The following ENOX2 variants were observed in gnomAD, a reference collection of about 807,000 sequenced individuals.
ENOX2 encodes ecto-NOX disulfide-thiol exchanger 2.
A neutral mutation model predicts 45.0 loss-of-function variants in ENOX2; 36 were observed. The observed-to-expected ratio is 0.80, with a 90% CI of 0.61 to 1.06. The LOEUF (loss-of-function observed/expected upper bound fraction) is 1.06, where lower values mean the gene tolerates loss of function less well. Among genes scored for constraint, ENOX2 ranks in the 50% least tolerant of loss-of-function variants. The probability of loss-of-function intolerance (pLI) is 0.00; values close to 1 mark genes in which losing one functional copy is unlikely to be tolerated. For missense variants in ENOX2, 423 were observed against 462.5 expected (o/e 0.91, Z 0.78); for synonymous variants, 174 against 152.3 (o/e 1.14, Z -1.05).
chrX:130,863,158 T>A (rs984483050), intron 2 of ENOX2, among the ~76,000 whole-genome samples: 2 of 112,339 alleles, frequency 1.8e-5, no homozygotes, highest in East Asian at 5.6e-4. Flanking sequence ...TAATTATGCA[T>A]GTTTTCTCAT....
chrX:130,816,524 C>A (rs2077487654), intron 2 of ENOX2, among the ~76,000 whole-genome samples: 1 of 111,674 alleles, frequency 9.0e-6, no homozygotes, highest in Admixed American at 9.5e-5. Flanking sequence ...GGAAGTAAAA[C>A]ACTCCTCAGC....
chrX:130,627,922 C>T (rs2035591203), intron 14 of ENOX2, 36 bp downstream of exon 14: 1 of 1,012,784 alleles, frequency 9.9e-7, no homozygotes, highest in African/African-American at 1.9e-5. Flanking sequence ...AAAAATCCCA[C>T]ATCCCCTTGC....
At chrX:130,730,210 A>G (rs1283473879) in intron 3 of ENOX2, among the ~76,000 whole-genome samples, 1 of 112,370 alleles carries the variant, frequency 8.9e-6, no homozygotes, top group Admixed American at 9.4e-5. Flanking sequence ...GAATGGGAAA[A>G]GGAGCATTGT....
intron 5 of ENOX2, 24 bp from the exon 6 acceptor site, chrX:130,679,772 T>G (rs1385969408): frequency 2.7e-6 from 3 of 1,122,572 alleles, no homozygotes; most frequent in Non-Finnish European, 1.2e-6. Context: ...GCAAAAACAT[T>G]TGAAATTAAA....
intron 9 of ENOX2, among the ~76,000 whole-genome samples, chrX:130,663,399 C>A (rs1254771217): frequency 9.1e-6 from 1 of 110,317 alleles, no homozygotes; most frequent in Admixed American, 9.6e-5. Flanking sequence ...GGCATGGCGG[C>A]GTGTGCCTGT....
intron 9 of ENOX2, among the ~76,000 whole-genome samples, chrX:130,664,074 G>A (rs1380252050): frequency 1.8e-5 from 2 of 111,868 alleles, no homozygotes; most frequent in Admixed American, 9.4e-5. Context: ...AACAAGTAAA[G>A]ATGCTATTGG....
At chrX:130,633,087 T>C in intron 12 of ENOX2, among the ~76,000 whole-genome samples, 1 of 111,979 alleles carries the variant, frequency 8.9e-6, no homozygotes, top group East Asian at 2.8e-4. Context: ...TTTAAAAAAT[T>C]AGAAGGTACA....
intron 4 of ENOX2, among the ~76,000 whole-genome samples, chrX:130,700,471 T>A: frequency 8.9e-6 from 1 of 111,895 alleles, no homozygotes; most frequent in East Asian, 2.8e-4. Context: ...AGGGGGCCAA[T>A]GGTAGAAATT....
At position 130,726,721 on chromosome X, in the gene ENOX2, G is replaced by T. The variant is rs778596150; in HGVS notation, c.-38-23467C>A. Among the ~76,000 whole-genome samples the T allele has an allele frequency of 1.2e-4, 13 of 112,674 alleles. No individual in the cohort carries two copies. In the South Asian group the frequency reaches 3.0e-3, roughly 26 times the overall value. On this transcript the variant is annotated intron_variant, in intron 3 of 14. Transcript: ENST00000394363. ...CCTGGTCTCTTGCTAATGACTGGAA[G>T]TAGAATGAGAGTTCGATTTTACGAT...
intron 2 of ENOX2, among the ~76,000 whole-genome samples, chrX:130,784,547 CA>C (rs1376985733): frequency 6.5e-5 from 7 of 108,502 alleles, no homozygotes; most frequent in African/African-American, 2.4e-4. Flanking sequence ...CTAATCCTAT[CA>C]AAGGGGGGGA....
chrX:130,861,039 C>T (rs1035495815), intron 2 of ENOX2, among the ~76,000 whole-genome samples: 18 of 111,241 alleles, frequency 1.6e-4, no homozygotes, highest in African/African-American at 5.9e-4. Context: ...CAGAGAAATG[C>T]AAATCAAAAC....
chrX:130,775,613 G>A (rs1181885532), intron 3 of ENOX2, among the ~76,000 whole-genome samples: 3 of 110,131 alleles, frequency 2.7e-5, no homozygotes, highest in Non-Finnish European at 1.9e-5. Context: ...GCGCTGGGAC[G>A]GTAAATGGTC....
chrX:130,663,495 C>A, intron 9 of ENOX2, among the ~76,000 whole-genome samples: 1 of 101,567 alleles, frequency 9.8e-6, no homozygotes. Context: ...CGCGCCACTG[C>A]ACTCCAGCCT....
intron 3 of ENOX2, among the ~76,000 whole-genome samples, chrX:130,733,325 G>C (rs1277899151): frequency 9.3e-6 from 1 of 107,413 alleles, no homozygotes; most frequent in African/African-American, 3.4e-5. Context: ...CATAATGAGA[G>C]ATCAATATAT....
At chrX:130,636,747 G>C (rs1167225182) in intron 11 of ENOX2, among the ~76,000 whole-genome samples, 1 of 112,514 alleles carries the variant, frequency 8.9e-6, no homozygotes, top group Non-Finnish European at 1.9e-5. Flanking sequence ...GGTATTATGT[G>C]CTCAAAGCAT....
intron 2 of ENOX2, among the ~76,000 whole-genome samples, chrX:130,842,781 A>C: frequency 9.1e-6 from 1 of 110,121 alleles, no homozygotes; most frequent in Non-Finnish European, 1.9e-5. Context: ...TCCTTTACCC[A>C]TTTCTTAAGT....
At position 130,820,013 on chromosome X, in the gene ENOX2, C is replaced by A. The variant is rs759760213; in HGVS notation, c.-182-36323G>T. Among the ~76,000 whole-genome samples, 3 of 112,073 alleles carry A rather than the reference C, an allele frequency of 2.7e-5. No individual in the cohort carries two copies. The South Asian group carries it at 1.1e-3, about 42-fold the overall frequency. ...AAAAGCTTCTGCATAGCAAAGGAAA[C>A]AATAGACTGAAGGGACAACCTACAG... On this transcript the variant is annotated intron_variant, in intron 2 of 14. Coordinates refer to ENST00000394363, the MANE Select transcript of ENOX2 (RefSeq NM_006375.4).
chrX:130,665,323 G>A (rs978393503), intron 9 of ENOX2, among the ~76,000 whole-genome samples: 4 of 112,021 alleles, frequency 3.6e-5, no homozygotes, highest in Non-Finnish European at 7.5e-5. Context: ...CACTAGAAGC[G>A]CAGGTCAGTA....
At chrX:130,871,455 A>G (rs755590249) in intron 2 of ENOX2, among the ~76,000 whole-genome samples, 18 of 111,235 alleles carry the variant, frequency 1.6e-4, no homozygotes, top group South Asian at 3.8e-4. Context: ...GAACAGGAGA[A>G]TATATAACGC....
Sources: allele counts gnomAD v4.1 joint callset (sites outside exome capture counted in the v4.1 genomes callset), GRCh38; gene constraint gnomAD v4.1.1; transcripts MANE v1.5; gene names NCBI Gene and HGNC (gene_info 2026-07-23, HGNC 2026-07-21).